Variants in MTMR7 observed in about 807,000 individuals in gnomAD.
The protein encoded by MTMR7 is phosphatidylinositol-3-phosphate phosphatase MTMR7.
A neutral mutation model predicts 81.2 loss-of-function variants in MTMR7; 76 were observed. The ratio of observed to expected loss-of-function variants is 0.94; its 90% confidence interval spans 0.78 to 1.13. The LOEUF is 1.13. Ranked by LOEUF, MTMR7 falls within the 50% of genes most tolerant of loss-of-function variation. The probability of loss-of-function intolerance (pLI) is 0.00; values close to 1 mark genes in which losing one functional copy is unlikely to be tolerated. For missense variants in MTMR7, 1,044 were observed against 820.0 expected, an observed-to-expected ratio of 1.27 and a Z score of -3.34; for synonymous variants, 372 against 289.8, an observed-to-expected ratio of 1.28 and a Z score of -2.88.
At chr8:17,358,744 A>G (rs1443918554) in intron 4 of MTMR7, among the ~76,000 whole-genome samples, 1 of 152,210 alleles carries the variant, frequency 6.6e-6, no homozygotes, top group Non-Finnish European at 1.5e-5. Flanking sequence ...CCTGTCTGTA[A>G]TTTTTAAAAC....
intron 6 of MTMR7, among the ~76,000 whole-genome samples, chr8:17,338,469 C>T (rs1333015979): frequency 6.6e-6 from 1 of 152,136 alleles, no homozygotes; most frequent in Non-Finnish European, 1.5e-5. Context: ...AGTAAAGCCC[C>T]CGTCTTTTCT....
At chr8:17,405,027 A>T (rs563554668) in intron 1 of MTMR7, among the ~76,000 whole-genome samples, 1 of 152,280 alleles carries the variant, frequency 6.6e-6, no homozygotes, top group Non-Finnish European at 1.5e-5. Context: ...ACAGGTTTGT[A>T]AATTAGTAGA....
At chr8:17,350,455 C>A (rs1389103628) in intron 4 of MTMR7, among the ~76,000 whole-genome samples, 1 of 152,120 alleles carries the variant, frequency 6.6e-6, no homozygotes, top group Non-Finnish European at 1.5e-5. Context: ...AGCATTAGAT[C>A]TTGTGAGACT....
chr8:17,343,768 A>G (rs1819473519), intron 5 of MTMR7, among the ~76,000 whole-genome samples: 1 of 152,258 alleles, frequency 6.6e-6, no homozygotes, highest in Admixed American at 6.5e-5. Context: ...AACTAAAGAT[A>G]TGATCTAAAT....
intron 5 of MTMR7, among the ~76,000 whole-genome samples, chr8:17,347,781 A>C (rs1012904817): frequency 1.3e-5 from 2 of 152,166 alleles, no homozygotes; most frequent in Non-Finnish European, 2.9e-5. Flanking sequence ...TTTAATGGCC[A>C]CCCATAACAC....
At chr8:17,313,496 G>T in intron 7 of MTMR7, 95 bp from the exon 8 acceptor site, 1 of 745,884 alleles carries the variant, frequency 1.3e-6, no homozygotes. Flanking sequence ...TGATTCCTTT[G>T]TTGTATTAGG....
At position 17,371,090 on chromosome 8, in the gene MTMR7, T is replaced by A; in HGVS notation, c.257A>T (p.Gln86Leu). 6.2e-7 allele frequency: 1 copy of A among 1,614,210 alleles called. No individual in the cohort carries two copies. Among genetic ancestry groups the A allele is most frequent in the Non-Finnish European group, 8.5e-7 (1 of 1,180,020 alleles). ...GTACACGTCGTGGCAATCTCTTTCC[T>A]GAGGTATGATGAGCTGTATTATCTG... ...NFQIIQLIIP[Q>L]ERDCHDVYIS... The change falls in exon 3 of 14, where the codon CAG (glutamine) becomes CTG (leucine). Residue 86 changes from glutamine to leucine, a missense_variant. Physicochemically the swap from Gln to Leu is moderately radical, Grantham distance 113. Transcript: ENST00000180173.
intron 6 of MTMR7, among the ~76,000 whole-genome samples, chr8:17,332,467 G>A (rs780661373): frequency 1.3e-4 from 20 of 152,130 alleles, no homozygotes; most frequent in Non-Finnish European, 1.9e-4. Context: ...CCTGACCTGC[G>A]AGCAGTGACC....
At chr8:17,312,779 T>TAAATCCA (rs1394901738) in intron 8 of MTMR7, among the ~76,000 whole-genome samples, 1 of 152,082 alleles carries the variant, frequency 6.6e-6, no homozygotes, top group Non-Finnish European at 1.5e-5. Context: ...TGGTTCTCTT[T>TAAATCCA]AGGTATAAAT....
intron 7 of MTMR7, among the ~76,000 whole-genome samples, chr8:17,319,094 C>G (rs141521994): frequency 2.9e-4 from 44 of 152,272 alleles, no homozygotes; most frequent in African/African-American, 1.1e-3. Context: ...CTGAACCATA[C>G]GTCTGAGTAA....
At chr8:17,383,349 A>G (rs1384247151) in intron 1 of MTMR7, among the ~76,000 whole-genome samples, 2 of 152,144 alleles carry the variant, frequency 1.3e-5, no homozygotes, top group African/African-American at 4.8e-5. Flanking sequence ...AACAACGAAA[A>G]TACTTTTACC....
At chr8:17,388,495 AGACC>A (rs1821011985) in intron 1 of MTMR7, among the ~76,000 whole-genome samples, 1 of 152,232 alleles carries the variant, frequency 6.6e-6, no homozygotes, top group Non-Finnish European at 1.5e-5. Context: ...AGGGAGAACA[AGACC>A]TTGCTTTGAA....
intron 9 of MTMR7, among the ~76,000 whole-genome samples, chr8:17,309,715 C>T (rs148642639): frequency 3.8e-4 from 58 of 152,206 alleles, no homozygotes; most frequent in African/African-American, 1.1e-3. Flanking sequence ...GGAAGGAGAC[C>T]CCACTTCACA....
chr8:17,367,230 T>C (rs993477328), intron 3 of MTMR7, among the ~76,000 whole-genome samples: 2 of 151,974 alleles, frequency 1.3e-5, no homozygotes, highest in Non-Finnish European at 2.9e-5. Context: ...GGGACTAAAA[T>C]ACTAAAAAGA....
chr8:17,406,036 G>C (rs914107588), intron 1 of MTMR7, among the ~76,000 whole-genome samples: 1 of 151,932 alleles, frequency 6.6e-6, no homozygotes, highest in African/African-American at 2.4e-5. Flanking sequence ...TTTTCTTTCT[G>C]CTCCTTTGAA....
At chr8:17,391,060 T>G (rs1344992443) in intron 1 of MTMR7, among the ~76,000 whole-genome samples, 1 of 152,124 alleles carries the variant, frequency 6.6e-6, no homozygotes, top group Admixed American at 6.6e-5. Context: ...GGGGAGAGCA[T>G]TCCAGGCAGA....
intron 7 of MTMR7, among the ~76,000 whole-genome samples, chr8:17,316,044 G>A (rs564932994): frequency 6.6e-6 from 1 of 152,068 alleles, no homozygotes; most frequent in Admixed American, 6.6e-5. Flanking sequence ...ATAAAGTCTC[G>A]TGTTTTCGTG....
At chr8:17,334,723 A>G (rs1260076062) in intron 6 of MTMR7, among the ~76,000 whole-genome samples, 3 of 152,232 alleles carry the variant, frequency 2.0e-5, no homozygotes, top group Non-Finnish European at 4.4e-5. Flanking sequence ...AGGAAAGCAC[A>G]TGGCACCCAG....
At chr8:17,407,519 T>C (rs538116418) in intron 1 of MTMR7, among the ~76,000 whole-genome samples, 1 of 152,054 alleles carries the variant, frequency 6.6e-6, no homozygotes, top group African/African-American at 2.4e-5. Flanking sequence ...ATGCAGATAA[T>C]AATGAGATGT....
Sources: allele counts gnomAD v4.1 joint callset (sites outside exome capture counted in the v4.1 genomes callset), GRCh38; gene constraint gnomAD v4.1.1; transcripts MANE v1.5; gene names NCBI Gene and HGNC (gene_info 2026-07-23, HGNC 2026-07-21).